The following CCBE1 variants were observed in gnomAD, a reference collection of about 807,000 sequenced individuals.
CCBE1 encodes the protein collagen and calcium binding EGF domains 1.
Under a neutral mutation model 50.0 loss-of-function variants are expected in CCBE1, and 37 were observed. The ratio of observed to expected loss-of-function variants is 0.74; its 90% CI spans 0.57 to 0.97. CCBE1 has a LOEUF of 0.97. CCBE1 is among the 50% of genes least tolerant of loss of function. The pLI, the probability that CCBE1 is intolerant of heterozygous loss-of-function variation, is 0.00. For synonymous variants in CCBE1, 234 were observed against 203.7 expected, an observed-to-expected ratio of 1.15 and a Z score of -1.27; for missense variants, 538 against 523.8, an observed-to-expected ratio of 1.03 and a Z score of -0.26.
chr18:59,622,803 A>C (rs544164589), intron 2 of CCBE1, among the ~76,000 whole-genome samples: 2 of 142,708 alleles, frequency 1.4e-5, no homozygotes, highest in South Asian at 4.5e-4. Flanking sequence ...TTCCATCTCA[A>C]AAAAAAAAGA....
chr18:59,622,865 G>C (rs181123514), intron 2 of CCBE1, among the ~76,000 whole-genome samples: 43 of 151,490 alleles, frequency 2.8e-4, no homozygotes, highest in African/African-American at 1.0e-3. Flanking sequence ...GGGGGAGGGA[G>C]AGAGGGAGGG....
chr18:59,628,578 C>T (rs564214710), intron 2 of CCBE1, among the ~76,000 whole-genome samples: 44 of 152,108 alleles, frequency 2.9e-4, no homozygotes, highest in African/African-American at 6.5e-4. Flanking sequence ...TCCATGGCTT[C>T]GTGGGATGGA....
intron 2 of CCBE1, among the ~76,000 whole-genome samples, chr18:59,540,105 A>G (rs1915411862): frequency 6.6e-6 from 1 of 152,208 alleles, no homozygotes; most frequent in Non-Finnish European, 1.5e-5. Context: ...AAGAAATAGG[A>G]AGCATTTATA....
intron 6 of CCBE1, among the ~76,000 whole-genome samples, chr18:59,449,198 C>A (rs1910816758): frequency 6.6e-6 from 1 of 152,180 alleles, no homozygotes; most frequent in Non-Finnish European, 1.5e-5. Flanking sequence ...GTAAGCTACA[C>A]AACCTGGATT....
intron 2 of CCBE1, among the ~76,000 whole-genome samples, chr18:59,610,592 T>C (rs1334665281): frequency 1.3e-5 from 2 of 152,190 alleles, no homozygotes; most frequent in Non-Finnish European, 2.9e-5. Context: ...ATTGTCTGAG[T>C]GCTCCTTTTC....
intron 2 of CCBE1, among the ~76,000 whole-genome samples, chr18:59,609,149 G>A (rs1266563063): frequency 6.6e-6 from 1 of 152,118 alleles, no homozygotes; most frequent in Non-Finnish European, 1.5e-5. Context: ...CTCGCTTCTG[G>A]ATTCCTTAGT....
intron 2 of CCBE1, among the ~76,000 whole-genome samples, chr18:59,639,983 T>A (rs930081310): frequency 1.3e-5 from 2 of 151,644 alleles, no homozygotes; most frequent in African/African-American, 4.9e-5. Context: ...ACCAAAGAAA[T>A]CAAAGATGAC....
At chr18:59,533,503 C>T (rs948683555) in intron 2 of CCBE1, among the ~76,000 whole-genome samples, 3 of 152,104 alleles carry the variant, frequency 2.0e-5, no homozygotes, top group Non-Finnish European at 4.4e-5. Flanking sequence ...TACATACCAA[C>T]TTTGACTATG....
At chr18:59,652,845 T>G (rs1481449826) in intron 2 of CCBE1, among the ~76,000 whole-genome samples, 3 of 151,940 alleles carry the variant, frequency 2.0e-5, no homozygotes, top group African/African-American at 7.3e-5. Context: ...GCGCCTGTAG[T>G]CCCAGCTACT....
At chr18:59,696,474 T>G in intron 2 of CCBE1, 155 bp downstream of exon 2, 2 of 1,504,866 alleles carry the variant, frequency 1.3e-6, no homozygotes, top group Non-Finnish European at 1.8e-6. Flanking sequence ...CAACCAACCC[T>G]CAAAGATTCG....
chr18:59,546,097 A>G (rs1915671049), intron 2 of CCBE1, among the ~76,000 whole-genome samples: 2 of 152,230 alleles, frequency 1.3e-5, no homozygotes, highest in African/African-American at 4.8e-5. Context: ...GGGTCAATCT[A>G]TTCTCTCACC....
upstream of CCBE1, chr18:59,697,466 C>T: frequency 7.8e-7 from 1 of 1,286,608 alleles, no homozygotes; most frequent in Admixed American, 2.6e-5. Flanking sequence ...GGCGTTTGCA[C>T]CACCTGCACG....
chr18:59,506,900 A>G (rs1189112737), intron 2 of CCBE1, among the ~76,000 whole-genome samples: 7 of 152,184 alleles, frequency 4.6e-5, no homozygotes, highest in Non-Finnish European at 4.4e-5. Flanking sequence ...CCAGATATAG[A>G]AGATGTTGAA....
At position 59,442,544 on chromosome 18, in the gene CCBE1, A is replaced by G. The variant is rs576310288; in HGVS notation, c.776-2728T>C. On this transcript the variant is annotated intron_variant, in intron 7 of 10. Transcript: ENST00000439986. ...GGAGTTTGAGACCAGCGTGGCCAAC[A>G]CAGTGAAACCCCATCTCTACTAAAA... Among the ~76,000 whole-genome samples, 4 of 152,212 alleles carry G rather than the reference A, an allele frequency of 2.6e-5. No homozygotes were observed. In the East Asian group the frequency reaches 7.8e-4, roughly 30 times the overall value.
At chr18:59,601,397 G>T (rs2053431898) in intron 2 of CCBE1, among the ~76,000 whole-genome samples, 1 of 151,974 alleles carries the variant, frequency 6.6e-6, no homozygotes, top group African/African-American at 2.4e-5. Flanking sequence ...TTTATAAAGG[G>T]CAGTTCCCCT....
chr18:59,528,728 A>C (rs1472314266), intron 2 of CCBE1, among the ~76,000 whole-genome samples: 1 of 152,092 alleles, frequency 6.6e-6, no homozygotes, highest in African/African-American at 2.4e-5. Flanking sequence ...AGGGATGCTG[A>C]CATTTGCTGG....
intron 2 of CCBE1, among the ~76,000 whole-genome samples, chr18:59,686,484 A>G (rs1477409240): frequency 6.6e-6 from 1 of 152,186 alleles, no homozygotes; most frequent in Non-Finnish European, 1.5e-5. Flanking sequence ...ACTATGTAAG[A>G]GCTTGCATAT....
In CCBE1 at chr18:59,469,518, A is replaced by G. The variant is rs760101152; in HGVS notation, c.355T>C (p.Tyr119His). 2 of 1,614,224 alleles carry G rather than the reference A, an allele frequency of 1.2e-6. No individual in the cohort carries two copies. The highest frequency in any genetic ancestry group is 2.2e-5 in the East Asian group (1 of 44,884). Residue 119 changes from tyrosine (Y) to histidine (H), a missense_variant, in exon 4 of 11, where the codon TAT becomes CAT. Transcript: ENST00000439986. ...CGCTTCCGGTGTCTCTCCCGGTCATATCGGTATCCCGGATAACAAGTACAC... is the reference window on the plus strand; with the variant it reads ...CGCTTCCGGTGTCTCTCCCGGTCATGTCGGTATCCCGGATAACAAGTACAC... ...VLCTCYPGYR[Y>H]DRERHRKREK...
At chr18:59,472,046 C>A (rs994820062) in intron 3 of CCBE1, among the ~76,000 whole-genome samples, 2 of 152,222 alleles carry the variant, frequency 1.3e-5, no homozygotes, top group African/African-American at 2.4e-5. Context: ...TTTTTTCCAA[C>A]ACTTGCAAAA....
Sources: allele counts gnomAD v4.1 joint callset (sites outside exome capture counted in the v4.1 genomes callset), GRCh38; gene constraint gnomAD v4.1.1; transcripts MANE v1.5; gene names NCBI Gene and HGNC (gene_info 2026-07-23, HGNC 2026-07-21).